Variants in DNM2 observed in about 807,000 individuals in gnomAD.
DNM2 encodes dynamin-2.
DNM2 carries 15 observed loss-of-function variants against 99.0 expected under a neutral mutation model. That is an observed-to-expected ratio of 0.15 (90% CI 0.10 to 0.23). The LOEUF (loss-of-function observed/expected upper bound fraction) is 0.23. Among genes scored for constraint, DNM2 ranks in the 10% least tolerant of loss-of-function variants. The pLI is 1.00. For synonymous variants in DNM2, 525 were observed against 481.2 expected (o/e 1.09, Z -1.19); for missense variants, 742 against 1,189.4 (o/e 0.62, Z 5.53).
intron 1 of DNM2, among the ~76,000 whole-genome samples, chr19:10,740,780 C>T (rs950769183): frequency 6.6e-6 from 1 of 152,218 alleles, no homozygotes; most frequent in Non-Finnish European, 1.5e-5. Flanking sequence ...TTTTCATTTT[C>T]ATTTATCTCA....
At chr19:10,804,900 G>C (rs2072280915) in intron 12 of DNM2, among the ~76,000 whole-genome samples, 1 of 152,222 alleles carries the variant, frequency 6.6e-6, no homozygotes, top group Non-Finnish European at 1.5e-5. Context: ...AGGTGACCAA[G>C]CTGACTTGCT....
intron 2 of DNM2, among the ~76,000 whole-genome samples, chr19:10,766,266 A>G (rs1222747376): frequency 6.6e-6 from 1 of 152,160 alleles, no homozygotes; most frequent in African/African-American, 2.4e-5. Context: ...GTGTGCTTTG[A>G]AGATAGGGAG....
At position 10,788,766 on chromosome 19, in the gene DNM2, G is replaced by A. The variant is rs565043453; in HGVS notation, c.992+2060G>A. ...TGGCTTTTGGCCTGTAAGGGACCTT[G>A]AGGCACTGGAACAGCTGGACCAGAG... On this transcript the variant is annotated intron_variant, in intron 7 of 20. Transcript: ENST00000389253. 2.0e-5 allele frequency among the ~76,000 whole-genome samples: 3 copies of A among 152,310 alleles called. No homozygotes were observed. The South Asian group carries it at 6.2e-4, about 32-fold the overall frequency.
intron 2 of DNM2, among the ~76,000 whole-genome samples, chr19:10,762,318 G>A (rs1004132914): frequency 4.6e-5 from 7 of 152,250 alleles, no homozygotes; most frequent in African/African-American, 1.4e-4. Context: ...GATTACAGGC[G>A]TGAGCCACTG....
chr19:10,728,758 G>T (rs1345773059), intron 1 of DNM2, among the ~76,000 whole-genome samples: 4 of 152,086 alleles, frequency 2.6e-5, no homozygotes, highest in East Asian at 1.9e-4. Flanking sequence ...GACCAGCCTG[G>T]CCAGCATGGC....
Position 10,744,444 on chromosome 19 carries a change from C to T in DNM2, c.162-15294C>T, listed in dbSNP as rs1404176221. On this transcript the variant is annotated intron_variant, in intron 1 of 20. Transcript: ENST00000389253. ...GTCTGCCTGGATATTTCCTTATGGGCTGGCTCCCCATCACCCCGGGAGAGT... is the reference window on the plus strand; with the variant it reads ...GTCTGCCTGGATATTTCCTTATGGGTTGGCTCCCCATCACCCCGGGAGAGT... 3.9e-5 allele frequency among the ~76,000 whole-genome samples: 6 copies of T among 152,150 alleles called. No individual in the cohort carries two copies. The East Asian group carries it at 1.2e-3, about 29-fold the overall frequency.
In DNM2 at chr19:10,775,669, C is replaced by G. The variant is rs1480515982; in HGVS notation, c.386-34C>G. Reference sequence around the variant, plus strand: ...CCTGTTTGTGCCTCCCCTCTCCTGGCTCTGAATGCCTTTCCTTCTGGTTTC... The same window carrying G: ...CCTGTTTGTGCCTCCCCTCTCCTGGGTCTGAATGCCTTTCCTTCTGGTTTC... On this transcript the variant is annotated intron_variant, in intron 3 of 20. Coordinates refer to ENST00000389253, the MANE Select transcript of DNM2 (RefSeq NM_001005361.3). This position sits in a 1 kb window ranked among gnomAD's most constrained non-coding sequence, Gnocchi z 4.3. 13 of 1,613,254 alleles carry G rather than the reference C, an allele frequency of 8.1e-6. No homozygotes were observed. The highest frequency in any genetic ancestry group is 1.0e-5 in the Non-Finnish European group (12 of 1,179,460).
At chr19:10,746,722 T>TG (rs1389201216) in intron 1 of DNM2, among the ~76,000 whole-genome samples, 2 of 94,782 alleles carry the variant, frequency 2.1e-5, no homozygotes, top group African/African-American at 9.8e-5. Context: ...GCCGGCTTTT[T>TG]TTTTGTTTTT....
At chr19:10,754,356 A>C (rs1028514691) in intron 1 of DNM2, among the ~76,000 whole-genome samples, 3 of 151,240 alleles carry the variant, frequency 2.0e-5, no homozygotes, top group Admixed American at 1.3e-4. Context: ...CCCAGGTTCA[A>C]GCGATTCTGC....
intron 1 of DNM2, among the ~76,000 whole-genome samples, chr19:10,753,392 C>T (rs930401184): frequency 4.0e-5 from 5 of 125,564 alleles, no homozygotes; most frequent in Non-Finnish European, 8.4e-5. Flanking sequence ...TCCCCTTCCC[C>T]CCTCCCCCTT....
rs1464033681 is a variant in DNM2, at chr19:10,817,808, T to TGTGTGTGTGCGCGCGCGC, written c.1672-2170_1672-2153dup. Among the ~76,000 whole-genome samples the TGTGTGTGTGCGCGCGCGC allele has an allele frequency of 7.5e-6, 1 of 133,326 alleles. No homozygotes were observed. Among genetic ancestry groups the TGTGTGTGTGCGCGCGCGC allele is most frequent in the Non-Finnish European group, 1.7e-5 (1 of 59,648 alleles). The allele number at this position is 133,326 out of a possible 152,430, so 87.5% of individuals were successfully genotyped here. ...GGAGGGGCGCACACACACGTGTGTG[T>TGTGTGTGTGCGCGCGCGC]GTGTGTGTGCGCGCGCGCGCACGCG... On this transcript the variant is annotated intron_variant, in intron 15 of 20. Transcript: ENST00000389253. This position sits in a 1 kb window ranked among gnomAD's most constrained non-coding sequence, Gnocchi z 4.6.
At position 10,817,209 on chromosome 19, in the gene DNM2, A is replaced by C. The variant is rs565135551; in HGVS notation, c.1672-2771A>C. On this transcript the variant is annotated intron_variant, in intron 15 of 20. Coordinates refer to ENST00000389253, the MANE Select transcript of DNM2 (RefSeq NM_001005361.3). The surrounding 1 kb of genome is among the most constrained non-coding windows in gnomAD (Gnocchi z 4.6). ...AAAAATAAACAAGACATTTACAGCCATGGGGTGGGGATGGCAGACTGATAG... is the reference window on the plus strand; with the variant it reads ...AAAAATAAACAAGACATTTACAGCCCTGGGGTGGGGATGGCAGACTGATAG... Among the ~76,000 whole-genome samples, 13 of 152,268 alleles carry C rather than the reference A, an allele frequency of 8.5e-5. No individual in the cohort carries two copies. The highest frequency in any genetic ancestry group is 6.5e-5 in the Admixed American group (1 of 15,304).
At chr19:10,792,360 A>G (rs1179982257) in intron 7 of DNM2, among the ~76,000 whole-genome samples, 1 of 152,122 alleles carries the variant, frequency 6.6e-6, no homozygotes, top group African/African-American at 2.4e-5. Flanking sequence ...ACTTCAGTAG[A>G]TCATGATTTT....
chr19:10,793,955 A>T, intron 8 of DNM2, 100 bp downstream of exon 8: 2 of 1,594,698 alleles, frequency 1.3e-6, no homozygotes, highest in East Asian at 4.5e-5. Flanking sequence ...TCAAGCTCCT[A>T]CCTCTAGGCC....
intron 1 of DNM2, among the ~76,000 whole-genome samples, chr19:10,740,092 T>G (rs2069688158): frequency 6.6e-6 from 1 of 152,076 alleles, no homozygotes; most frequent in African/African-American, 2.4e-5. Context: ...TCTTTTTTAT[T>G]TCTGAAAGGT....
chr19:10,808,728 C>G, intron 14 of DNM2, 148 bp downstream of exon 14: 1 of 955,266 alleles, frequency 1.0e-6, no homozygotes, highest in South Asian at 1.6e-5. Context: ...ATGCCGCAGC[C>G]GGCGCTGGAC....
chr19:10,722,535 A>G (rs1385359141), intron 1 of DNM2, among the ~76,000 whole-genome samples: 7 of 150,032 alleles, frequency 4.7e-5, no homozygotes, highest in African/African-American at 1.7e-4. Flanking sequence ...AGTAGAGACG[A>G]GGTTTCACCA....
intron 1 of DNM2, among the ~76,000 whole-genome samples, chr19:10,752,231 A>T (rs1042756146): frequency 6.6e-6 from 1 of 152,234 alleles, no homozygotes; most frequent in African/African-American, 2.4e-5. Flanking sequence ...AGGAAAAAAG[A>T]GTGTGTATGT....
At chr19:10,826,642 T>C (rs1167754534) in intron 18 of DNM2, among the ~76,000 whole-genome samples, 2 of 152,132 alleles carry the variant, frequency 1.3e-5, no homozygotes, top group Non-Finnish European at 2.9e-5. Flanking sequence ...TCCCAGCACT[T>C]TGGGAGGCTG....
Sources: gnomAD v4.1 joint callset for allele counts (sites outside exome capture counted in the v4.1 genomes callset) on GRCh38, gnomAD v4.1.1 for gene constraint, Gnocchi (gnomAD v3.1) non-coding constraint, MANE v1.5 for transcripts, NCBI Gene and HGNC (gene_info 2026-07-23, HGNC 2026-07-21) for gene names.